SGCZ: variants seen among roughly 807,000 people sequenced by gnomAD.
SGCZ encodes sarcoglycan zeta.
Under a neutral mutation model 41.3 loss-of-function variants are expected in SGCZ, and 40 were observed. That is an observed-to-expected ratio of 0.97 (90% confidence interval 0.75 to 1.26). The LOEUF is 1.26. Among genes scored for constraint, SGCZ ranks in the 50% most tolerant of loss-of-function variants. The pLI is 0.00. For missense variants in SGCZ, 552 were observed against 369.8 expected, an observed-to-expected ratio of 1.49 and a Z score of -4.04; for synonymous variants, 206 against 137.5, an observed-to-expected ratio of 1.50 and a Z score of -3.49.
At chr8:14,394,143 CTTTTTTTT>C (rs75054512) in intron 2 of SGCZ, among the ~76,000 whole-genome samples, 19,644 of 118,106 alleles carry the variant, frequency 0.17, 3,478 homozygotes, top group African/African-American at 0.44. Context: ...CGCCCCCCAC[CTTTTTTTT>C]TTTTTTTTTT....
At chr8:14,344,181 A>G (rs1802810955) in intron 2 of SGCZ, among the ~76,000 whole-genome samples, 1 of 152,154 alleles carries the variant, frequency 6.6e-6, no homozygotes. Flanking sequence ...GAAACCAAAA[A>G]CAAGTGAATA....
At position 14,946,005 on chromosome 8, in the gene SGCZ, CATATATATATATATATATAT is replaced by C. The variant is rs34647526; in HGVS notation, c.39+291560_39+291579del. On this transcript the variant is annotated intron_variant, in intron 1 of 7. Coordinates refer to ENST00000382080, the MANE Select transcript of SGCZ (RefSeq NM_139167.4). Reference sequence around the variant, plus strand: ...AGCCAATTCCCCTACTAAATGTCCCCATATATATATATATATATATATATATATATATATATATATATATA... The same window carrying C: ...AGCCAATTCCCCTACTAAATGTCCCCATATATATATATATATATATATATA... Among the ~76,000 whole-genome samples the C allele has an allele frequency of 8.6e-3, 128 of 14,886 alleles. 3 individuals carry two copies. Among genetic ancestry groups the C allele is most frequent in the East Asian group, 0.026 (11 of 430 alleles). The allele number at this position is 14,886 out of a possible 152,430, so 9.8% of individuals were successfully genotyped here. A position where few individuals can be genotyped will look rare whatever the true frequency, so the allele number is the denominator to read the frequency against.
At chr8:15,178,840 C>T (rs904105896) in intron 1 of SGCZ, among the ~76,000 whole-genome samples, 3 of 152,270 alleles carry the variant, frequency 2.0e-5, no homozygotes, top group East Asian at 1.9e-4. Context: ...TCTCCACAAA[C>T]TGTATTTTAC....
chr8:15,182,770 AAAAT>A (rs1209329052), intron 1 of SGCZ, among the ~76,000 whole-genome samples: 3 of 152,358 alleles, frequency 2.0e-5, no homozygotes, highest in Non-Finnish European at 4.4e-5. Flanking sequence ...TTTTATCTTC[AAAAT>A]AAATCTCAGG....
At chr8:14,502,693 G>GA (rs1802189803) in intron 2 of SGCZ, among the ~76,000 whole-genome samples, 2 of 152,054 alleles carry the variant, frequency 1.3e-5, no homozygotes, top group African/African-American at 4.8e-5. Context: ...CAATAAACAT[G>GA]AAAAAAAGCT....
intron 1 of SGCZ, among the ~76,000 whole-genome samples, chr8:14,940,718 G>A (rs1290394474): frequency 6.6e-6 from 1 of 151,898 alleles, no homozygotes; most frequent in Non-Finnish European, 1.5e-5. Flanking sequence ...CAACAGGTAA[G>A]TGTATTTGAC....
chr8:14,420,454 G>C (rs1312277195), intron 2 of SGCZ, among the ~76,000 whole-genome samples: 1 of 151,776 alleles, frequency 6.6e-6, no homozygotes, highest in African/African-American at 2.4e-5. Context: ...TCTTTATTTT[G>C]ATTTTACTGT....
intron 1 of SGCZ, among the ~76,000 whole-genome samples, chr8:14,962,695 G>A (rs1801001443): frequency 6.6e-6 from 1 of 152,182 alleles, no homozygotes; most frequent in Non-Finnish European, 1.5e-5. Context: ...TCAATTGGAT[G>A]TGAAAGATTG....
At chr8:14,367,431 G>A (rs1803753084) in intron 2 of SGCZ, among the ~76,000 whole-genome samples, 2 of 151,960 alleles carry the variant, frequency 1.3e-5, no homozygotes, top group Non-Finnish European at 2.9e-5. Context: ...TCTCTCTATA[G>A]CAGCACCCCA....
chr8:14,450,909 C>G (rs1214717787), intron 2 of SGCZ, among the ~76,000 whole-genome samples: 1 of 152,128 alleles, frequency 6.6e-6, no homozygotes, highest in African/African-American at 2.4e-5. Context: ...GCAACATCCA[C>G]TGAAATCATC....
At chr8:14,846,810 C>T (rs1282047117) in intron 1 of SGCZ, among the ~76,000 whole-genome samples, 1 of 151,714 alleles carries the variant, frequency 6.6e-6, no homozygotes, top group Non-Finnish European at 1.5e-5. Flanking sequence ...TGGCTCACTC[C>T]TGTAATCCTA....
At chr8:14,430,140 A>T (rs1799901053) in intron 2 of SGCZ, among the ~76,000 whole-genome samples, 1 of 143,944 alleles carries the variant, frequency 6.9e-6, no homozygotes, top group East Asian at 1.9e-4. Flanking sequence ...TATCAATTCC[A>T]TTGACACTAT....
At chr8:14,642,666 TA>T (rs1807065907) in intron 1 of SGCZ, among the ~76,000 whole-genome samples, 1 of 151,638 alleles carries the variant, frequency 6.6e-6, no homozygotes. Flanking sequence ...TACTTTTATT[TA>T]AAAATCAACA....
intron 2 of SGCZ, among the ~76,000 whole-genome samples, chr8:14,520,941 T>C (rs1031575901): frequency 6.6e-6 from 1 of 152,168 alleles, no homozygotes; most frequent in East Asian, 1.9e-4. Flanking sequence ...ATCTTAGCAA[T>C]AGTAAAACAT....
chr8:14,094,469 T>A (rs1801782817), intron 7 of SGCZ, among the ~76,000 whole-genome samples: 1 of 152,130 alleles, frequency 6.6e-6, no homozygotes, highest in Non-Finnish European at 1.5e-5. Flanking sequence ...CATGAACTCA[T>A]CCTTTTTATG....
chr8:14,495,762 G>C (rs1235266418), intron 2 of SGCZ, among the ~76,000 whole-genome samples: 4 of 145,396 alleles, frequency 2.8e-5, no homozygotes, highest in African/African-American at 7.8e-5. Flanking sequence ...GCCATAATGA[G>C]ACGACGTTAG....
chr8:14,554,984 A>G (rs984430891), intron 1 of SGCZ, 58 bp from the exon 2 acceptor site: 4 of 1,462,066 alleles, frequency 2.7e-6, no homozygotes, highest in Middle Eastern at 1.9e-4. Flanking sequence ...CATTAAAAAA[A>G]ATAAACCCAT....
At chr8:14,938,692 CT>C (rs1800165432) in intron 1 of SGCZ, among the ~76,000 whole-genome samples, 1 of 152,054 alleles carries the variant, frequency 6.6e-6, no homozygotes, top group Non-Finnish European at 1.5e-5. Flanking sequence ...GAAATAATAC[CT>C]TTTGCAGCAA....
chr8:15,026,599 AGATGTGCCATTATAAAAGGGACTC>A (rs1204873948), intron 1 of SGCZ, among the ~76,000 whole-genome samples: 4 of 152,182 alleles, frequency 2.6e-5, no homozygotes, highest in African/African-American at 9.6e-5. Context: ...ATTGGTACAC[AGATGTGCCATTATAAAAGGGACTC>A]GATTGCCAAT....
Sources: allele counts gnomAD v4.1 joint callset (sites outside exome capture counted in the v4.1 genomes callset), GRCh38; gene constraint gnomAD v4.1.1; transcripts MANE v1.5; gene names NCBI Gene and HGNC (gene_info 2026-07-23, HGNC 2026-07-21).